Variants in PRH1 observed in about 807,000 individuals in gnomAD.
PRH1 encodes the protein proline rich protein HaeIII subfamily 1.
Under a neutral mutation model 7.9 loss-of-function variants are expected in PRH1, and 7 were observed. The observed-to-expected ratio is 0.89, with a 90% CI of 0.50 to 1.67. The LOEUF (loss-of-function observed/expected upper bound fraction) is 1.67. Ranked by LOEUF, PRH1 falls within the 40% of genes most tolerant of loss-of-function variation. The probability of loss-of-function intolerance (pLI) is 0.00; values close to 1 mark genes in which losing one functional copy is unlikely to be tolerated. For missense variants in PRH1, 109 were observed against 223.6 expected (o/e 0.49, Z 3.27); for synonymous variants, 45 against 80.8 (o/e 0.56, Z 2.38).
chr12:11,120,222 A>T (rs1945854624), downstream of PRH1, among the ~76,000 whole-genome samples: 2 of 152,192 alleles, frequency 1.3e-5, no homozygotes, highest in Non-Finnish European at 2.9e-5. Context: ...TTTTCAAGAA[A>T]AGAGTATCTT....
intron 1 of PRH1, among the ~76,000 whole-genome samples, chr12:11,135,558 A>G (rs1352079989): frequency 1.8e-5 from 1 of 54,392 alleles, no homozygotes; most frequent in Non-Finnish European, 5.1e-5. Context: ...ATAAATATCT[A>G]ATGTAGTTTT....
intron 1 of PRH1, among the ~76,000 whole-genome samples, chr12:11,033,740 A>T (rs545437906): frequency 2.5e-4 from 38 of 152,310 alleles, no homozygotes; most frequent in African/African-American, 8.4e-4. Flanking sequence ...TATACAAATA[A>T]TTGATATTTC....
intron 1 of PRH1, among the ~76,000 whole-genome samples, chr12:11,138,982 T>C (rs528424445): frequency 2.3e-4 from 35 of 152,216 alleles, no homozygotes; most frequent in South Asian, 1.0e-3. Flanking sequence ...AGAGGTTGCA[T>C]TGAGCCGCGA....
intron 2 of PRH1, among the ~76,000 whole-genome samples, chr12:10,903,967 C>T (rs1415082680): frequency 1.7e-5 from 1 of 58,064 alleles, no homozygotes. Flanking sequence ...ACTAGGACTA[C>T]AGCTAACCAA....
chr12:11,086,559 T>G (rs11522332), intron 1 of PRH1, among the ~76,000 whole-genome samples: 1 of 141,138 alleles, frequency 7.1e-6, no homozygotes, highest in African/African-American at 2.5e-5. Context: ...CTGCTTCATA[T>G]AACTATGATG....
At chr12:10,896,675 T>A (rs1255993744) in intron 2 of PRH1, 1 of 150,168 alleles carries the variant, frequency 6.7e-6, no homozygotes, top group African/African-American at 2.5e-5. Context: ...GGCAGGAGAA[T>A]CGCTTGAACC....
chr12:10,938,369 A>G lies in PRH1; in HGVS notation c.-59+35286T>C, dbSNP rs1443277567. The G allele has an allele frequency of 3.7e-6, 6 of 1,613,984 alleles. No individual in the cohort carries two copies. The African/African-American group carries it at 6.7e-5, about 18-fold the overall frequency. ...TCTCAGCTTCTTGTTTCCAAGAATCAGAACACATGAGTGACATGAAGGATA... is the reference window on the plus strand; with the variant it reads ...TCTCAGCTTCTTGTTTCCAAGAATCGGAACACATGAGTGACATGAAGGATA... On this transcript the variant is annotated intron_variant, in intron 2 of 3. Transcript: ENST00000539853.
At chr12:10,907,633 C>G (rs1949824653) in intron 2 of PRH1, among the ~76,000 whole-genome samples, 1 of 151,860 alleles carries the variant, frequency 6.6e-6, no homozygotes, top group Non-Finnish European at 1.5e-5. Context: ...TAAGTAGTTG[C>G]TTGGGAAAAA....
chr12:11,114,009 A>C (rs2136309330), intron 1 of PRH1, among the ~76,000 whole-genome samples: 1 of 152,258 alleles, frequency 6.6e-6, no homozygotes, highest in Middle Eastern at 3.4e-3. Context: ...GAAACAACAG[A>C]TGCTGGAGAG....
chr12:11,038,355 T>C (rs1168067505), intron 1 of PRH1, among the ~76,000 whole-genome samples: 4 of 152,278 alleles, frequency 2.6e-5, no homozygotes, highest in Non-Finnish European at 5.9e-5. Flanking sequence ...TCCCAATATA[T>C]GTCTTCTTGC....
chr12:10,885,964 C>A (rs775689385), upstream of PRH1, among the ~76,000 whole-genome samples: 1 of 152,110 alleles, frequency 6.6e-6, no homozygotes, highest in Non-Finnish European at 1.5e-5. Context: ...TTGCTACAGA[C>A]GACATTGTTC....
chr12:11,062,065 C>A (rs373647255), intron 1 of PRH1: 2 of 1,613,546 alleles, frequency 1.2e-6, no homozygotes, highest in Non-Finnish European at 1.7e-6. Flanking sequence ...TACTTCTATA[C>A]TGTTAAAAGC....
chr12:10,976,970 G>C (rs1939132735), intron 1 of PRH1, among the ~76,000 whole-genome samples: 1 of 152,034 alleles, frequency 6.6e-6, no homozygotes, highest in South Asian at 2.1e-4. Context: ...ATTCACAGCT[G>C]AATTCTATCA....
chr12:10,933,178 C>G (rs1333690721), intron 2 of PRH1, among the ~76,000 whole-genome samples: 2 of 151,956 alleles, frequency 1.3e-5, no homozygotes, highest in Non-Finnish European at 2.9e-5. Context: ...TTCCTACATT[C>G]TGAAAAGCAA....
chr12:10,906,706 C>T (rs1201957713), intron 2 of PRH1, among the ~76,000 whole-genome samples: 1 of 152,134 alleles, frequency 6.6e-6, no homozygotes, highest in Non-Finnish European at 1.5e-5. Flanking sequence ...TCTTCACTGC[C>T]ACCATGTAAG....
chr12:11,136,159 A>G (rs1025202692), intron 1 of PRH1, among the ~76,000 whole-genome samples: 8 of 152,244 alleles, frequency 5.3e-5, no homozygotes, highest in African/African-American at 1.9e-4. Context: ...TTTTCTTCAC[A>G]CTTTACCAAC....
downstream of PRH1, among the ~76,000 whole-genome samples, chr12:11,118,862 G>C (rs551968778): frequency 8.9e-4 from 135 of 152,174 alleles, no homozygotes; most frequent in African/African-American, 3.2e-3. Flanking sequence ...GGGCGTGGTG[G>C]CTGGCGCCTG....
At chr12:10,910,448 C>A (rs1185910755) in intron 2 of PRH1, among the ~76,000 whole-genome samples, 1 of 151,676 alleles carries the variant, frequency 6.6e-6, no homozygotes, top group Non-Finnish European at 1.5e-5. Flanking sequence ...ATAGGGAGAC[C>A]CTGTATCTAA....
At chr12:11,101,265 A>G (rs1945238854) in intron 1 of PRH1, among the ~76,000 whole-genome samples, 1 of 152,192 alleles carries the variant, frequency 6.6e-6, no homozygotes, top group South Asian at 2.1e-4. Flanking sequence ...AGGCAGGTGG[A>G]TTGCCTAAGC....
Sources: gnomAD v4.1 joint callset for allele counts (sites outside exome capture counted in the v4.1 genomes callset) on GRCh38, gnomAD v4.1.1 for gene constraint, MANE v1.5 for transcripts, NCBI Gene and HGNC (gene_info 2026-07-23, HGNC 2026-07-21) for gene names.